CTNND2: variants seen among roughly 807,000 people sequenced by gnomAD.
The protein encoded by CTNND2 is catenin delta-2.
Under a neutral mutation model 144.4 loss-of-function variants are expected in CTNND2, and 22 were observed. The observed-to-expected ratio is 0.15, with a 90% CI of 0.11 to 0.22. The LOEUF (loss-of-function observed/expected upper bound fraction) is 0.22, where lower values mean the gene tolerates loss of function less well. Among genes scored for constraint, CTNND2 ranks in the 10% least tolerant of loss-of-function variants. The pLI is 1.00. For missense variants in CTNND2, 1,353 were observed against 1,618.8 expected, an observed-to-expected ratio of 0.84 and a Z score of 2.82; for synonymous variants, 751 against 695.6, an observed-to-expected ratio of 1.08 and a Z score of -1.25.
chr5:11,321,731 T>A (rs762104123), intron 9 of CTNND2, among the ~76,000 whole-genome samples: 2 of 151,962 alleles, frequency 1.3e-5, no homozygotes, highest in African/African-American at 2.4e-5. Flanking sequence ...CACACACACA[T>A]GCATGCACAC....
intron 10 of CTNND2, among the ~76,000 whole-genome samples, chr5:11,204,327 A>T (rs1330351257): frequency 6.6e-6 from 1 of 151,828 alleles, no homozygotes; most frequent in Non-Finnish European, 1.5e-5. Flanking sequence ...GAGAATAAAA[A>T]TGGTTTTCAT....
At chr5:11,873,197 T>C (rs979861819) in intron 1 of CTNND2, among the ~76,000 whole-genome samples, 5 of 152,186 alleles carry the variant, frequency 3.3e-5, no homozygotes, top group East Asian at 1.9e-4. Flanking sequence ...AACCCGTATA[T>C]AGTAACAAAA....
chr5:11,827,253 C>T (rs557855268), intron 1 of CTNND2, among the ~76,000 whole-genome samples: 2 of 152,108 alleles, frequency 1.3e-5, no homozygotes, highest in Admixed American at 6.5e-5. Context: ...AAAGTCAAAG[C>T]GAGATTATAA....
At chr5:11,707,004 T>C (rs1010939908) in intron 2 of CTNND2, among the ~76,000 whole-genome samples, 7 of 150,526 alleles carry the variant, frequency 4.7e-5, no homozygotes, top group Non-Finnish European at 8.9e-5. Flanking sequence ...GAGAATGGTG[T>C]GAACCCAGGA....
chr5:11,338,771 A>G (rs1487903889), intron 9 of CTNND2, among the ~76,000 whole-genome samples: 1 of 152,222 alleles, frequency 6.6e-6, no homozygotes, highest in Non-Finnish European at 1.5e-5. Context: ...TCACAGACAA[A>G]TACTGTGTGT....
intron 16 of CTNND2, among the ~76,000 whole-genome samples, chr5:11,069,116 A>T (rs114393521): frequency 0.014 from 2,176 of 152,326 alleles, 25 homozygotes; most frequent in Middle Eastern, 0.048. Context: ...GGGCTTTCAA[A>T]AGAAGCACAA....
At chr5:11,714,925 A>AG (rs397940984) in intron 2 of CTNND2, among the ~76,000 whole-genome samples, 5 of 151,922 alleles carry the variant, frequency 3.3e-5, no homozygotes, top group Non-Finnish European at 7.4e-5. Context: ...AAAAAAAAAA[A>AG]GAAAGAAAGA....
At chr5:11,070,141 C>T (rs901580158) in intron 16 of CTNND2, among the ~76,000 whole-genome samples, 2 of 151,916 alleles carry the variant, frequency 1.3e-5, no homozygotes, top group African/African-American at 4.8e-5. Flanking sequence ...ATAGGCAAAT[C>T]CACAATAATA....
intron 1 of CTNND2, among the ~76,000 whole-genome samples, chr5:11,812,215 T>G (rs1792372897): frequency 6.6e-6 from 1 of 152,184 alleles, no homozygotes; most frequent in African/African-American, 2.4e-5. Flanking sequence ...GCAGAGACAG[T>G]GAATAGCAAT....
At chr5:11,479,370 G>T (rs1768035279) in intron 3 of CTNND2, among the ~76,000 whole-genome samples, 1 of 152,084 alleles carries the variant, frequency 6.6e-6, no homozygotes. Context: ...TGGTATATAT[G>T]TACCACATTT....
rs1745980063 is a variant in CTNND2 at position 11,052,878 on chromosome 5, T to C, written c.2788+29818A>G. On this transcript the variant is annotated intron_variant, in intron 16 of 21. Transcript: ENST00000304623. ...ATTACCGAATAACACTTCGGGTTTG[T>C]ATATTTTCATTAGTGAGGCTTATTT... Among the ~76,000 whole-genome samples, 3 of 152,292 alleles carry C rather than the reference T, an allele frequency of 2.0e-5. No homozygotes were observed. The South Asian group carries it at 6.2e-4, about 32-fold the overall frequency.
At chr5:11,217,358 A>G (rs1739306464) in intron 10 of CTNND2, among the ~76,000 whole-genome samples, 1 of 152,102 alleles carries the variant, frequency 6.6e-6, no homozygotes, top group African/African-American at 2.4e-5. Flanking sequence ...TTTCCCACAA[A>G]CCAGGGAGGA....
At chr5:11,131,713 C>T (rs902806872) in intron 12 of CTNND2, among the ~76,000 whole-genome samples, 6 of 151,770 alleles carry the variant, frequency 4.0e-5, no homozygotes, top group African/African-American at 1.2e-4. Context: ...GGCATGAACC[C>T]GGGAGGCGGA....
chr5:11,792,312 T>C (rs1291141391), intron 1 of CTNND2, among the ~76,000 whole-genome samples: 1 of 152,278 alleles, frequency 6.6e-6, no homozygotes, highest in East Asian at 1.9e-4. Context: ...CACACACATA[T>C]ATATTTTAAA....
chr5:11,086,725 T>C (rs1750190274), intron 15 of CTNND2, among the ~76,000 whole-genome samples: 1 of 152,202 alleles, frequency 6.6e-6, no homozygotes, highest in Admixed American at 6.5e-5. Context: ...CTCATTCTAA[T>C]GTGGATTTCC....
intron 1 of CTNND2, among the ~76,000 whole-genome samples, chr5:11,891,336 C>A (rs184067216): frequency 1.3e-5 from 2 of 152,236 alleles, no homozygotes; most frequent in East Asian, 3.9e-4. Context: ...AATTATCATT[C>A]ATTTAGGGAG....
rs1561781609 is a variant in CTNND2, at chr5:11,770,432, G to GAAGGAAGA, written c.38-38161_38-38160insTCTTCCTT. ...AAAAGGAAAGAAGGAAGGAAGGAAG[G>GAAGGAAGA]AAGGAAGGAAGGAAGGAAGGAAGGA... On this transcript the variant is annotated intron_variant, in intron 1 of 21. Transcript: ENST00000304623. Among the ~76,000 whole-genome samples the GAAGGAAGA allele has an allele frequency of 2.1e-4, 30 of 141,822 alleles. 1 individual carries two copies. Among genetic ancestry groups the GAAGGAAGA allele is most frequent in the African/African-American group, 8.5e-4 (29 of 34,270 alleles). The allele number at this position is 141,822 out of a possible 152,430, so 93.0% of individuals were successfully genotyped here.
chr5:11,889,677 T>C (rs980560929), intron 1 of CTNND2, among the ~76,000 whole-genome samples: 2 of 152,352 alleles, frequency 1.3e-5, no homozygotes, highest in South Asian at 2.1e-4. Flanking sequence ...TTTATATTAA[T>C]ATAAATTCTC....
At chr5:11,013,889 C>T (rs1741343590) in intron 18 of CTNND2, among the ~76,000 whole-genome samples, 2 of 152,148 alleles carry the variant, frequency 1.3e-5, no homozygotes, top group Non-Finnish European at 2.9e-5. Context: ...TGCCACTTGC[C>T]CTCCCCTCTC....
Sources: allele counts gnomAD v4.1 joint callset (sites outside exome capture counted in the v4.1 genomes callset), GRCh38; gene constraint gnomAD v4.1.1; transcripts MANE v1.5; gene names NCBI Gene and HGNC (gene_info 2026-07-23, HGNC 2026-07-21).